RBFOX1: variants seen among roughly 807,000 people sequenced by gnomAD.
The protein encoded by RBFOX1 is RNA binding protein fox-1 homolog 1.
Under a neutral mutation model 57.7 loss-of-function variants are expected in RBFOX1, and 8 were observed. The ratio of observed to expected loss-of-function variants is 0.14; its 90% confidence interval spans 0.08 to 0.25. The LOEUF (loss-of-function observed/expected upper bound fraction) is 0.25. RBFOX1 is among the 10% of genes least tolerant of loss of function. RBFOX1 has a pLI of 1.00. For synonymous variants in RBFOX1, 326 were observed against 222.4 expected, an observed-to-expected ratio of 1.47 and a Z score of -4.15; for missense variants, 611 against 548.5, an observed-to-expected ratio of 1.11 and a Z score of -1.14.
intron 2 of RBFOX1, among the ~76,000 whole-genome samples, chr16:6,600,392 A>C (rs2097838588): frequency 6.6e-6 from 1 of 152,120 alleles, no homozygotes; most frequent in African/African-American, 2.4e-5. Flanking sequence ...CGTTACAATC[A>C]TGTTTTATTA....
At position 7,390,666 on chromosome 16, in the gene RBFOX1, G is replaced by A. The variant is rs2097990900; in HGVS notation, c.28-127481G>A. ...GGGATGGTGAATTTATAAATTTGGTGATTTTTGATGAAAAGAATCAATATG... is the reference window on the plus strand; with the variant it reads ...GGGATGGTGAATTTATAAATTTGGTAATTTTTGATGAAAAGAATCAATATG... On this transcript the variant is annotated intron_variant, in intron 4 of 15. Transcript: ENST00000550418. 2.0e-5 allele frequency among the ~76,000 whole-genome samples: 3 copies of A among 152,302 alleles called. No individual in the cohort carries two copies. The South Asian group carries it at 6.2e-4, about 32-fold the overall frequency.
intron 3 of RBFOX1, among the ~76,000 whole-genome samples, chr16:6,692,765 G>A (rs1329531845): frequency 1.3e-5 from 2 of 151,758 alleles, no homozygotes; most frequent in African/African-American, 2.4e-5. Context: ...CCCACCTCTG[G>A]TATCAACATC....
chr16:6,995,046 C>G lies in RBFOX1; in HGVS notation c.-15-57011C>G, dbSNP rs142093878. Among the ~76,000 whole-genome samples, 64 of 150,582 alleles carry G rather than the reference C, an allele frequency of 4.3e-4. No homozygotes were observed. The East Asian group carries it at 9.0e-3, about 21-fold the overall frequency. Reference sequence around the variant, plus strand: ...ATATATGTGCCAGGTATTAGGCTGGCTAATTATTGTGACTAAAACTCTCTG... The same window carrying G: ...ATATATGTGCCAGGTATTAGGCTGGGTAATTATTGTGACTAAAACTCTCTG... On this transcript the variant is annotated intron_variant, in intron 3 of 15. Transcript: ENST00000550418.
intron 3 of RBFOX1, among the ~76,000 whole-genome samples, chr16:5,630,519 A>G (rs929348896): frequency 6.6e-6 from 1 of 152,122 alleles, no homozygotes; most frequent in Non-Finnish European, 1.5e-5. Flanking sequence ...GTGCCCCACC[A>G]TCTGATTACA....
Position 6,908,267 on chromosome 16 carries a change from C to T in RBFOX1, c.-15-143790C>T, listed in dbSNP as rs187997867. Among the ~76,000 whole-genome samples, 415 of 151,824 alleles carry T rather than the reference C, an allele frequency of 2.7e-3. 3 individuals carry two copies. Among genetic ancestry groups the T allele is most frequent in the African/African-American group, 9.5e-3 (396 of 41,512 alleles). On this transcript the variant is annotated intron_variant, in intron 3 of 15. Transcript: ENST00000550418. ...TCTCTCCTCCAGCCTTTCGGGTGTC[C>T]TCTCCTGCGGCTCTGGGCAGGCCTG...
chr16:6,791,303 A>G (rs1028625183), intron 3 of RBFOX1, among the ~76,000 whole-genome samples: 1 of 152,150 alleles, frequency 6.6e-6, no homozygotes, highest in East Asian at 1.9e-4. Context: ...TTTTTAATAC[A>G]TTCATTATAT....
chr16:6,684,004 G>C (rs1428707968), intron 3 of RBFOX1, among the ~76,000 whole-genome samples: 1 of 152,166 alleles, frequency 6.6e-6, no homozygotes, highest in East Asian at 1.9e-4. Context: ...ACAAGGTGGG[G>C]AAGATAGTGA....
At chr16:7,691,704 C>G (rs1244630089) in intron 14 of RBFOX1, among the ~76,000 whole-genome samples, 1 of 152,112 alleles carries the variant, frequency 6.6e-6, no homozygotes, top group Non-Finnish European at 1.5e-5. Context: ...AGTGGCTTTC[C>G]TGATGTCTAG....
chr16:7,170,878 G>A (rs1009779220), intron 4 of RBFOX1, among the ~76,000 whole-genome samples: 1 of 152,126 alleles, frequency 6.6e-6, no homozygotes, highest in Non-Finnish European at 1.5e-5. Context: ...GCAGTTGAGG[G>A]TTTCATCAAA....
chr16:6,882,713 G>C (rs1205575492), intron 3 of RBFOX1, among the ~76,000 whole-genome samples: 1 of 152,128 alleles, frequency 6.6e-6, no homozygotes, highest in Non-Finnish European at 1.5e-5. Context: ...GGGATATTTG[G>C]AGTCTGACAT....
In RBFOX1 at chr16:5,265,874, T is replaced by C. The variant is rs1171880731; in HGVS notation, c.219+25769T>C. ...GTATCTGTGGGTGGATGTCTGCATGTAAATGGCGGTGTATACCTGTGTGGG... is the reference window on the plus strand; with the variant it reads ...GTATCTGTGGGTGGATGTCTGCATGCAAATGGCGGTGTATACCTGTGTGGG... On this transcript the variant is annotated intron_variant, in intron 1 of 2. Coordinates refer to the RBFOX1 transcript ENST00000585867. Among the ~76,000 whole-genome samples the C allele has an allele frequency of 3.3e-5, 5 of 152,206 alleles. No individual in the cohort carries two copies. The East Asian group carries it at 9.6e-4, about 29-fold the overall frequency.
intron 2 of RBFOX1, among the ~76,000 whole-genome samples, chr16:6,450,191 T>A (rs1278493417): frequency 6.6e-6 from 1 of 152,208 alleles, no homozygotes; most frequent in South Asian, 2.1e-4. Context: ...ATCCCAGCTC[T>A]GCTTTTTTAC....
intron 4 of RBFOX1, among the ~76,000 whole-genome samples, chr16:7,276,667 A>T (rs566846419): frequency 6.6e-6 from 1 of 152,236 alleles, no homozygotes; most frequent in African/African-American, 2.4e-5. Flanking sequence ...ACCTCTCCCA[A>T]CCTCAGTTCA....
At chr16:7,121,691 C>G (rs547508078) in intron 4 of RBFOX1, among the ~76,000 whole-genome samples, 2 of 151,732 alleles carry the variant, frequency 1.3e-5, no homozygotes, top group South Asian at 4.2e-4. Flanking sequence ...TAGCTATAAA[C>G]GTGAAGATTC....
At chr16:6,900,465 G>A (rs573088330) in intron 3 of RBFOX1, among the ~76,000 whole-genome samples, 12 of 152,190 alleles carry the variant, frequency 7.9e-5, no homozygotes, top group African/African-American at 1.2e-4. Flanking sequence ...TTGATTTCCC[G>A]TTGCTCTTAG....
chr16:5,984,007 T>G (rs535274753), intron 4 of RBFOX1, among the ~76,000 whole-genome samples: 89 of 139,406 alleles, frequency 6.4e-4, no homozygotes, highest in African/African-American at 2.1e-3. Flanking sequence ...CTTCTTCTCC[T>G]TCCTCCTTTT....
intron 3 of RBFOX1, among the ~76,000 whole-genome samples, chr16:7,033,415 G>T (rs772738647): frequency 6.6e-6 from 1 of 152,184 alleles, no homozygotes; most frequent in Non-Finnish European, 1.5e-5. Flanking sequence ...AGCTACTTGG[G>T]AGGCTGAGGC....
intron 4 of RBFOX1, among the ~76,000 whole-genome samples, chr16:7,382,132 G>A (rs918717575): frequency 1.3e-5 from 2 of 152,084 alleles, no homozygotes; most frequent in African/African-American, 4.8e-5. Flanking sequence ...TTTGAGTAGG[G>A]ACTAATTACC....
At chr16:7,189,309 A>G (rs369712713) in intron 4 of RBFOX1, among the ~76,000 whole-genome samples, 126 of 151,428 alleles carry the variant, frequency 8.3e-4, no homozygotes, top group African/African-American at 3.0e-3. Flanking sequence ...GCCTGAAGTC[A>G]CAGCTACTCA....
Sources: allele counts gnomAD v4.1 joint callset (sites outside exome capture counted in the v4.1 genomes callset), GRCh38; gene constraint gnomAD v4.1.1; transcripts MANE v1.5; gene names NCBI Gene and HGNC (gene_info 2026-07-23, HGNC 2026-07-21).